The following KREMEN2 variants were observed in gnomAD, a reference collection of about 807,000 sequenced individuals.
KREMEN2 encodes kringle containing transmembrane protein 2.
KREMEN2 carries 43 observed loss-of-function variants against 49.8 expected under a neutral mutation model. The ratio of observed to expected loss-of-function variants is 0.86; its 90% confidence interval spans 0.68 to 1.11. KREMEN2 has a LOEUF of 1.11. Among genes scored for constraint, KREMEN2 ranks in the 50% most tolerant of loss-of-function variants. The pLI, the probability that KREMEN2 is intolerant of heterozygous loss-of-function variation, is 0.00. For synonymous variants in KREMEN2, 355 were observed against 304.9 expected, an observed-to-expected ratio of 1.16 and a Z score of -1.71; for missense variants, 686 against 665.7, an observed-to-expected ratio of 1.03 and a Z score of -0.34.
chr16:2,965,755 A>G (rs1408661156), intron 2 of KREMEN2, among the ~76,000 whole-genome samples: 1 of 144,280 alleles, frequency 6.9e-6, no homozygotes. Flanking sequence ...TGGGTGACAG[A>G]GCGAGACTCG....
intron 7 of KREMEN2, 24 bp downstream of exon 7, chr16:2,967,469 A>G: frequency 6.9e-7 from 1 of 1,458,012 alleles, no homozygotes; most frequent in South Asian, 1.4e-5. Context: ...GCGGGACGGG[A>G]GTGAGTCAGG....
In KREMEN2 at chr16:2,964,599, A is replaced by G. The variant is rs1320393182; in HGVS notation, c.79A>G (p.Ser27Gly). Residue 27 changes from serine (S) to glycine (G), a missense_variant, in exon 1 of 9, where the codon AGC becomes GGC. Coordinates refer to ENST00000303746, the MANE Select transcript of KREMEN2 (RefSeq NM_172229.3). Reference sequence around the variant, plus strand: ...GCAGCCGCGTGGGGCCTCGGCTGGGAGCCTGCACAGTCCAGGTAAGTCCCC... The same window carrying G: ...GCAGCCGCGTGGGGCCTCGGCTGGGGGCCTGCACAGTCCAGGTAAGTCCCC... ...LLQPRGASAG[S>G]LHSPGLSECF... The G allele has an allele frequency of 6.2e-7, 1 of 1,605,584 alleles. No individual in the cohort carries two copies. Among genetic ancestry groups the G allele is most frequent in the Admixed American group, 1.7e-5 (1 of 58,694 alleles).
rs1267908374 is a variant in KREMEN2 at position 2,966,983 on chromosome 16, G to A, written c.714G>A (p.Glu238=). The A allele has an allele frequency of 1.9e-6, 3 of 1,555,272 alleles. No individual in the cohort carries two copies. The highest frequency in any genetic ancestry group is 2.7e-5 in the African/African-American group (2 of 73,912). ...TCTACTCCCCGGACTTCCCGGACGAGTACGGGCCGGACCGGAACTGCAGCT... is the reference window on the plus strand; with the variant it reads ...TCTACTCCCCGGACTTCCCGGACGAATACGGGCCGGACCGGAACTGCAGCT... The part of the protein sequence containing the change: ...GVIYSPDFPD[E]YGPDRNCSWA... The change falls in exon 6 of 9, where the codon GAG becomes GAA. Residue 238 remains glutamate, a synonymous_variant. Transcript: ENST00000303746. This position sits in a 1 kb window ranked among gnomAD's most constrained non-coding sequence, Gnocchi z 8.4.
At position 2,964,337 on chromosome 16, in the gene KREMEN2, C is replaced by T. The variant is rs751908901; in HGVS notation, c.-184C>T. The T allele has an allele frequency of 4.0e-6, 2 of 501,968 alleles. No homozygotes were observed. Among genetic ancestry groups the T allele is most frequent in the East Asian group, 3.4e-5 (1 of 29,274 alleles). The allele number at this position is 501,968 out of a possible 1,614,324, so 31.1% of individuals were successfully genotyped here. ...AGAGAGACGCCTCTAGGGGCAGAGG[C>T]CCTGGGAGGCAAAGACCCCCAGGAG... is the stretch of plus-strand genomic sequence containing the variant. On this transcript the variant is annotated 5_prime_UTR_variant, in exon 1 of 9. Transcript: ENST00000303746.
In KREMEN2 at chr16:2,966,937, G is replaced by A; in HGVS notation, c.668G>A (p.Trp223Ter). 6.4e-7 allele frequency: 1 copy of A among 1,555,178 alleles called. No homozygotes were observed. Among genetic ancestry groups the A allele is most frequent in the Non-Finnish European group, 8.7e-7 (1 of 1,148,694 alleles). ...TCGGTGGGCTCCTGCCAGGGGAACT[G>A]GACAGCGCCTCAGGGCGTCATCTAC... is the stretch of plus-strand genomic sequence containing the variant. Reference protein sequence around the residue: ...EVSVGSCQGNWTAPQGVIYSP... With the variant: ...EVSVGSCQGN The change falls in exon 6 of 9, where the codon TGG becomes TAG. Residue 223 changes from tryptophan (W) to a stop codon, truncating the protein, a stop_gained. Coordinates refer to ENST00000303746, the MANE Select transcript of KREMEN2 (RefSeq NM_172229.3). LOFTEE classifies it high-confidence loss of function. The surrounding 1 kb of genome is among the most constrained non-coding windows in gnomAD (Gnocchi z 8.4).
intron 1 of KREMEN2, 23 bp downstream of exon 1, chr16:2,964,637 G>C (rs2071782049): frequency 6.4e-7 from 1 of 1,558,440 alleles, no homozygotes; most frequent in African/African-American, 1.4e-5. Context: ...ACGGCTGTCG[G>C]GCCGTGTTCA....
rs765174502 is a variant in KREMEN2 at position 2,966,820 on chromosome 16, G to T, written c.640+25G>T. The T allele has an allele frequency of 5.0e-6, 8 of 1,603,180 alleles. No homozygotes were observed. The highest frequency in any genetic ancestry group is 4.0e-5 in the African/African-American group (3 of 74,916). ...GGTGAGGAGTGGGCGGGGACCAGGG[G>T]CCTGGGCGGGCCTCGAGGTGGGGCC... On this transcript the variant is annotated intron_variant, in intron 5 of 8. Transcript: ENST00000303746. The surrounding 1 kb of genome is among the most constrained non-coding windows in gnomAD (Gnocchi z 8.4).
intron 1 of KREMEN2, 34 bp downstream of exon 1, chr16:2,964,648 C>T: frequency 2.0e-6 from 3 of 1,530,972 alleles, no homozygotes; most frequent in Non-Finnish European, 2.7e-6. Context: ...GCCGTGTTCA[C>T]CACCCCTTCC....
In KREMEN2 at chr16:2,967,237, A is replaced by G; in HGVS notation, c.968A>G (p.Tyr323Cys). 1 of 1,350,504 alleles carries G rather than the reference A, an allele frequency of 7.4e-7. No homozygotes were observed. The highest frequency in any genetic ancestry group is 9.4e-7 in the Non-Finnish European group (1 of 1,059,602). The allele number at this position is 1,350,504 out of a possible 1,614,324, so 83.7% of individuals were successfully genotyped here. A position where few individuals can be genotyped will look rare whatever the true frequency, so the allele number is the denominator to read the frequency against. Residue 323 changes from tyrosine to cysteine, a missense_variant, in exon 6 of 9, where the codon TAC (tyrosine) becomes TGC (cysteine). Tyr to Cys is a radical substitution (Grantham distance 194). Coordinates refer to ENST00000303746, the MANE Select transcript of KREMEN2 (RefSeq NM_172229.3). Reference sequence around the variant, plus strand: ...CACGCGCAAGGCTTCGCGCTCACCTACCGCGGTGAGCCTCAGCTCGGCGCG... The same window carrying G: ...CACGCGCAAGGCTTCGCGCTCACCTGCCGCGGTGAGCCTCAGCTCGGCGCG... ...RGHAQGFALTYRGLQDAAEDP... is the reference protein window; with the variant it reads ...RGHAQGFALTCRGLQDAAEDP...
At position 2,968,024 on chromosome 16, in the gene KREMEN2, TG is replaced by T; in HGVS notation, c.*7del. ...CTCGCTCATCTCCGCTCTCTGACTC[TG>T]GGCCCCGAGGGTCCGCTGGGCCCGC... On this transcript the variant is annotated 3_prime_UTR_variant, in exon 9 of 9. Coordinates refer to ENST00000303746, the MANE Select transcript of KREMEN2 (RefSeq NM_172229.3). 1 of 1,549,322 alleles carries T rather than the reference TG, an allele frequency of 6.5e-7. No individual in the cohort carries two copies. Among genetic ancestry groups the T allele is most frequent in the Non-Finnish European group, 8.7e-7 (1 of 1,154,046 alleles).
Position 2,966,440 on chromosome 16 carries a change from G to A in KREMEN2, c.477G>A (p.Lys159=), listed in dbSNP as rs2071820846. 1 of 1,610,638 alleles carries A rather than the reference G, an allele frequency of 6.2e-7. No individual in the cohort carries two copies. The highest frequency in any genetic ancestry group is 8.5e-7 in the Non-Finnish European group (1 of 1,179,972). The change falls in exon 4 of 9, where the codon AAG becomes AAA. Residue 159 remains lysine, a synonymous_variant. Transcript: ENST00000303746. The surrounding 1 kb of genome is among the most constrained non-coding windows in gnomAD (Gnocchi z 8.4). ...TGTGCCTACGCTTCTGCCGCATGAAGGGGTACCAGGTACTGCTCACGGGCC... is the reference window on the plus strand; with the variant it reads ...TGTGCCTACGCTTCTGCCGCATGAAAGGGTACCAGGTACTGCTCACGGGCC... The part of the protein sequence containing the change: ...VQVCLRFCRM[K]GYQLAGVEAG...
rs1039274035 is a variant in KREMEN2 at position 2,967,507 on chromosome 16, C to G, written c.1100-19C>G. On this transcript the variant is annotated intron_variant, in intron 7 of 8. Transcript: ENST00000303746. ...GCCGCCCCCTCGCGCCCATCCTCAC[C>G]GCAGCCGTGTGCCCGCAGCCCGGGT... 2.0e-6 allele frequency: 3 copies of G among 1,527,294 alleles called. No individual in the cohort carries two copies. Among genetic ancestry groups the G allele is most frequent in the South Asian group, 2.4e-5 (2 of 83,086 alleles). 94.6% of individuals were successfully genotyped at this position (1,527,294 alleles called of 1,614,324 possible). A position where few individuals can be genotyped will look rare whatever the true frequency, so the allele number is the denominator to read the frequency against.
chr16:2,965,989 C>A, intron 2 of KREMEN2, 151 bp from the exon 3 acceptor site: 5 of 664,476 alleles, frequency 7.5e-6, no homozygotes, highest in Non-Finnish European at 5.2e-6. Context: ...TCTGCGTAGA[C>A]AAAACTGGAA....
chr16:2,967,786 G>T (rs915531563), intron 8 of KREMEN2, 24 bp from the exon 9 acceptor site: 7 of 1,548,630 alleles, frequency 4.5e-6, no homozygotes, highest in Non-Finnish European at 6.1e-6. Context: ...GGACCGGCTC[G>T]GCTGATGTCT....
chr16:2,967,845 C>T lies in KREMEN2; in HGVS notation c.1214C>T (p.Ala405Val), dbSNP rs1056625315. 1.3e-6 allele frequency: 2 copies of T among 1,551,890 alleles called. No individual in the cohort carries two copies. The highest frequency in any genetic ancestry group is 4.9e-5 in the East Asian group (2 of 41,118). The change falls in exon 9 of 9, where the codon GCG becomes GTG. Residue 405 changes from alanine (A) to valine (V), a missense_variant. Physicochemically the swap from Ala to Val is moderately conservative, Grantham distance 64 (BLOSUM62 0). Transcript: ENST00000303746. ...CLLAPGKGPP[A>V]LGASRGPRRS... Reference sequence around the variant, plus strand: ...CTGGCTCCGGGAAAAGGGCCCCCGGCGCTGGGGGCTTCCAGGGGCCCCAGG... The same window carrying T: ...CTGGCTCCGGGAAAAGGGCCCCCGGTGCTGGGGGCTTCCAGGGGCCCCAGG...
rs1468959787 is a variant in KREMEN2 at position 2,967,925 on chromosome 16, C to T, written c.1294C>T (p.Pro432Ser). The T allele has an allele frequency of 1.3e-6, 2 of 1,576,548 alleles. No individual in the cohort carries two copies. Among genetic ancestry groups the T allele is most frequent in the Non-Finnish European group, 1.7e-6 (2 of 1,162,728 alleles). The change falls in exon 9 of 9, where the codon CCC (proline) becomes TCC (serine). Residue 432 changes from proline (P) to serine (S), a missense_variant. By Grantham distance (74) the Pro-to-Ser change is moderately conservative (BLOSUM62 -1). Transcript: ENST00000303746. ...CCGAGGGGTGGCCTTGCCCTGCTCC[C>T]CCGGGGACCCCCAGGCTGAGGGTTC... The part of the protein sequence containing the change: ...QPRGVALPCS[P>S]GDPQAEGSAA...
Position 2,966,659 on chromosome 16 carries a change from C to T in KREMEN2, c.504C>T (p.Ala168=), listed in dbSNP as rs752538863. The change falls in exon 5 of 9, where the codon GCC becomes GCT. Residue 168 remains alanine, a synonymous_variant. Coordinates refer to ENST00000303746, the MANE Select transcript of KREMEN2 (RefSeq NM_172229.3). This position sits in a 1 kb window ranked among gnomAD's most constrained non-coding sequence, Gnocchi z 8.4. Reference sequence around the variant, plus strand: ...GCTCCCAGCTGGCGGGCGTGGAGGCCGGTTACGCCTGCTTCTGTGGCTCTG... The same window carrying T: ...GCTCCCAGCTGGCGGGCGTGGAGGCTGGTTACGCCTGCTTCTGTGGCTCTG... ...MKGYQLAGVE[A]GYACFCGSES... 14 of 1,610,206 alleles carry T rather than the reference C, an allele frequency of 8.7e-6. No homozygotes were observed. The highest frequency in any genetic ancestry group is 1.1e-5 in the Non-Finnish European group (13 of 1,179,920).
Position 2,964,865 on chromosome 16 carries a change from C to T in KREMEN2, c.101C>T (p.Ser34Phe). 1 of 1,610,908 alleles carries T rather than the reference C, an allele frequency of 6.2e-7. No homozygotes were observed. Among genetic ancestry groups the T allele is most frequent in the Non-Finnish European group, 8.5e-7 (1 of 1,179,158 alleles). ...CCCTGCCTTTGCCGTGCAGGCCTGT[C>T]CGAATGCTTCCAGGTGAATGGGGCT... ...SAGSLHSPGLSECFQVNGADY... is the reference protein window; with the variant it reads ...SAGSLHSPGLFECFQVNGADY... The change falls in exon 2 of 9, where the codon TCC (serine) becomes TTC (phenylalanine). Residue 34 changes from serine (S) to phenylalanine (F), a missense_variant. Physicochemically the swap from Ser to Phe is radical, Grantham distance 155. Transcript: ENST00000303746.
In KREMEN2 at chr16:2,967,948, T is replaced by A. The variant is rs201657950; in HGVS notation, c.1317T>A (p.Gly439=). Residue 439 remains glycine (G), a synonymous_variant, in exon 9 of 9, where the codon GGT becomes GGA. Transcript: ENST00000303746. ...CCCCCGGGGACCCCCAGGCTGAGGG[T>A]TCTGCCGCGGGCTACCGGCCTCTGA... ...PCSPGDPQAE[G]SAAGYRPLSA... 165 of 1,585,548 alleles carry A rather than the reference T, an allele frequency of 1.0e-4. No homozygotes were observed. The African/African-American group carries it at 2.0e-3, about 20-fold the overall frequency.
Sources: gnomAD v4.1 joint callset for allele counts (sites outside exome capture counted in the v4.1 genomes callset) on GRCh38, gnomAD v4.1.1 for gene constraint, Gnocchi (gnomAD v3.1) non-coding constraint, MANE v1.5 for transcripts, NCBI Gene and HGNC (gene_info 2026-07-23, HGNC 2026-07-21) for gene names.